The following CSMD3 variants were observed in gnomAD, a reference collection of about 807,000 sequenced individuals.
CSMD3 encodes CUB and sushi domain-containing protein 3.
A neutral mutation model predicts 435.2 loss-of-function variants in CSMD3; 177 were observed. The ratio of observed to expected loss-of-function variants is 0.41; its 90% confidence interval spans 0.36 to 0.46. CSMD3 has a LOEUF of 0.46. Among genes scored for constraint, CSMD3 ranks in the 20% least tolerant of loss-of-function variants. The pLI, the probability that CSMD3 is intolerant of heterozygous loss-of-function variation, is 0.34. For synonymous variants in CSMD3, 1,656 were observed against 1,520.5 expected, an observed-to-expected ratio of 1.09 and a Z score of -2.07; for missense variants, 4,265 against 4,504.6, an observed-to-expected ratio of 0.95 and a Z score of 1.52.
intron 10 of CSMD3, among the ~76,000 whole-genome samples, chr8:112,921,350 T>C (rs957431662): frequency 6.6e-6 from 1 of 151,822 alleles, no homozygotes; most frequent in Admixed American, 6.6e-5. Flanking sequence ...GACAGGGTAA[T>C]TGTGATTTTC....
chr8:113,412,435 A>T (rs1022952491), intron 1 of CSMD3, among the ~76,000 whole-genome samples: 1 of 152,118 alleles, frequency 6.6e-6, no homozygotes, highest in Non-Finnish European at 1.5e-5. Flanking sequence ...AAACAACAAC[A>T]CGTAGGCAAG....
chr8:112,286,642 T>TAA (rs1819231602), intron 58 of CSMD3, among the ~76,000 whole-genome samples: 1 of 152,098 alleles, frequency 6.6e-6, no homozygotes, highest in Admixed American at 6.6e-5. Context: ...GCATAATTTA[T>TAA]AAATAAAACT....
At chr8:112,830,808 A>G (rs1274395313) in intron 11 of CSMD3, among the ~76,000 whole-genome samples, 1 of 132,222 alleles carries the variant, frequency 7.6e-6, no homozygotes, top group Non-Finnish European at 1.6e-5. Context: ...TTTTTTTTAG[A>G]TGGAGTCTTG....
At chr8:112,582,939 G>A (rs969877049) in intron 23 of CSMD3, among the ~76,000 whole-genome samples, 3 of 151,994 alleles carry the variant, frequency 2.0e-5, no homozygotes, top group Non-Finnish European at 4.4e-5. Flanking sequence ...CCTTAGTCTT[G>A]AACTTACCAG....
At chr8:112,565,564 G>C (rs1377504220) in intron 24 of CSMD3, among the ~76,000 whole-genome samples, 1 of 152,076 alleles carries the variant, frequency 6.6e-6, no homozygotes, top group Non-Finnish European at 1.5e-5. Context: ...AAACTGGAAG[G>C]CTGAGAACAT....
intron 22 of CSMD3, among the ~76,000 whole-genome samples, chr8:112,608,452 C>T (rs1218929198): frequency 6.6e-6 from 1 of 151,952 alleles, no homozygotes; most frequent in African/African-American, 2.4e-5. Flanking sequence ...AACCAGAATT[C>T]ATATAAAGCC....
At chr8:113,371,030 T>G (rs1367850551) in intron 1 of CSMD3, among the ~76,000 whole-genome samples, 1 of 152,124 alleles carries the variant, frequency 6.6e-6, no homozygotes, top group Non-Finnish European at 1.5e-5. Context: ...GTTATAGGTA[T>G]GCGGAACTTA....
chr8:112,341,747 A>G, intron 41 of CSMD3, 61 bp from the exon 42 acceptor site: 1 of 996,946 alleles, frequency 1.0e-6, no homozygotes, highest in Non-Finnish European at 1.6e-6. Flanking sequence ...ACATAAATAT[A>G]CACACACACA....
chr8:113,274,694 G>C (rs1283580298), intron 3 of CSMD3, among the ~76,000 whole-genome samples: 2 of 151,996 alleles, frequency 1.3e-5, no homozygotes, highest in Non-Finnish European at 2.9e-5. Flanking sequence ...TCTCATAGTA[G>C]TTACAGCACA....
In CSMD3 at chr8:112,656,835, T is replaced by C. The variant is rs1415175089; in HGVS notation, c.2817-494A>G. On this transcript the variant is annotated intron_variant, in intron 17 of 70. Coordinates refer to ENST00000297405, the MANE Select transcript of CSMD3 (RefSeq NM_198123.2). The stretch of plus-strand genomic sequence containing the variant: ...CAAAATTTTTGGACAAATCTATTTC[T>C]GCCTTTAAACATGTGATAAAGTTTG... 2.6e-5 allele frequency among the ~76,000 whole-genome samples: 4 copies of C among 152,100 alleles called. No homozygotes were observed. The South Asian group carries it at 8.3e-4, about 31-fold the overall frequency.
intron 13 of CSMD3, among the ~76,000 whole-genome samples, chr8:112,782,804 G>C (rs896359712): frequency 6.6e-6 from 1 of 151,218 alleles, no homozygotes; most frequent in African/African-American, 2.4e-5. Flanking sequence ...TATTTAAAGT[G>C]CTGAAAGAAA....
At chr8:112,505,823 T>C (rs73700988) in intron 29 of CSMD3, among the ~76,000 whole-genome samples, 2,647 of 152,218 alleles carry the variant, frequency 0.017, 77 homozygotes, top group African/African-American at 0.06. Context: ...CCAATGTGTA[T>C]GTTAAGGCTC....
At chr8:113,353,139 G>A (rs1183843440) in intron 1 of CSMD3, among the ~76,000 whole-genome samples, 1 of 152,086 alleles carries the variant, frequency 6.6e-6, no homozygotes, top group Non-Finnish European at 1.5e-5. Context: ...TTGACATTCT[G>A]ATGGATTGGA....
At chr8:112,468,539 A>C (rs1818203455) in intron 32 of CSMD3, among the ~76,000 whole-genome samples, 1 of 152,110 alleles carries the variant, frequency 6.6e-6, no homozygotes, top group Admixed American at 6.6e-5. Context: ...TATAATACAT[A>C]TTAACAAAAA....
At chr8:112,559,647 C>T (rs1395651670) in intron 24 of CSMD3, among the ~76,000 whole-genome samples, 1 of 151,716 alleles carries the variant, frequency 6.6e-6, no homozygotes, top group Admixed American at 6.6e-5. Context: ...TGCTAAAAAT[C>T]CCAACAGTCT....
At chr8:112,277,885 C>A (rs530950723) in intron 59 of CSMD3, among the ~76,000 whole-genome samples, 1 of 152,102 alleles carries the variant, frequency 6.6e-6, no homozygotes, top group African/African-American at 2.4e-5. Flanking sequence ...GAAACTGCCC[C>A]ATGATTAAAT....
intron 11 of CSMD3, among the ~76,000 whole-genome samples, chr8:112,838,403 T>C (rs2080089122): frequency 6.6e-6 from 1 of 151,670 alleles, no homozygotes. Context: ...TTTAATTTTT[T>C]ACATGCTCAT....
At chr8:112,480,565 TC>T (rs1156695814) in intron 31 of CSMD3, among the ~76,000 whole-genome samples, 2 of 152,138 alleles carry the variant, frequency 1.3e-5, no homozygotes, top group East Asian at 3.9e-4. Flanking sequence ...CTTGGTGCTA[TC>T]CTTGCGATAG....
At chr8:113,231,275 T>C (rs1361491078) in intron 3 of CSMD3, among the ~76,000 whole-genome samples, 1 of 151,386 alleles carries the variant, frequency 6.6e-6, no homozygotes, top group Non-Finnish European at 1.5e-5. Flanking sequence ...TTTCATAATT[T>C]GTTTTCTTGT....
Sources: gnomAD v4.1 joint callset for allele counts (sites outside exome capture counted in the v4.1 genomes callset) on GRCh38, gnomAD v4.1.1 for gene constraint, MANE v1.5 for transcripts, NCBI Gene and HGNC (gene_info 2026-07-23, HGNC 2026-07-21) for gene names.